Variants in ZFAT observed in about 807,000 individuals in gnomAD.
ZFAT encodes zinc finger and AT-hook domain containing.
Under a neutral mutation model 117.7 loss-of-function variants are expected in ZFAT, and 64 were observed. The observed-to-expected ratio is 0.54, with a 90% CI of 0.44 to 0.67. The LOEUF (loss-of-function observed/expected upper bound fraction) is 0.67, where lower values mean the gene tolerates loss of function less well. Ranked by LOEUF, ZFAT falls within the 30% of genes least tolerant of loss-of-function variation. The probability of loss-of-function intolerance (pLI) is 0.00; values close to 1 mark genes in which losing one functional copy is unlikely to be tolerated. For synonymous variants in ZFAT, 679 were observed against 615.0 expected (o/e 1.10, Z -1.54); for missense variants, 1,433 against 1,584.5 (o/e 0.90, Z 1.62).
intron 7 of ZFAT, chr8:134,600,161 T>C: frequency 4.1e-6 from 2 of 491,518 alleles, no homozygotes; most frequent in South Asian, 2.3e-5. Flanking sequence ...TTACTTCTAC[T>C]CTATAGATAT....
At chr8:134,626,777 T>A (rs761077019) in intron 3 of ZFAT, among the ~76,000 whole-genome samples, 25 of 152,272 alleles carry the variant, frequency 1.6e-4, no homozygotes, top group Non-Finnish European at 2.5e-4. Flanking sequence ...CCACACTTTC[T>A]TCCTTCTCTA....
At chr8:134,592,981 C>T (rs1176392960) in intron 7 of ZFAT, among the ~76,000 whole-genome samples, 1 of 152,222 alleles carries the variant, frequency 6.6e-6, no homozygotes, top group Non-Finnish European at 1.5e-5. Flanking sequence ...CCTGAGTTTT[C>T]TGGCCAGGCA....
chr8:134,593,617 C>T (rs1320789750), intron 7 of ZFAT, among the ~76,000 whole-genome samples: 1 of 152,240 alleles, frequency 6.6e-6, no homozygotes, highest in East Asian at 1.9e-4. Context: ...CACGAAGCTG[C>T]AGCATGGCCT....
chr8:134,510,392 T>C (rs1437540871), intron 14 of ZFAT, among the ~76,000 whole-genome samples: 2 of 152,122 alleles, frequency 1.3e-5, no homozygotes, highest in African/African-American at 2.4e-5. Flanking sequence ...ACTAATTTAC[T>C]AAAAGAGAAA....
intron 7 of ZFAT, among the ~76,000 whole-genome samples, chr8:134,591,075 G>C (rs1190496525): frequency 6.6e-6 from 1 of 152,104 alleles, no homozygotes; most frequent in Non-Finnish European, 1.5e-5. Flanking sequence ...AAGGCTGCGG[G>C]TCTACCACAC....
the ZFAT span, among the ~76,000 whole-genome samples, chr8:134,826,791 AC>A: frequency 1.3e-5 from 2 of 152,226 alleles, no homozygotes; most frequent in African/African-American, 4.8e-5. Context: ...ATTTAGAGTA[AC>A]CGATTAAACT....
the ZFAT span, among the ~76,000 whole-genome samples, chr8:134,743,318 G>A: frequency 2.0e-5 from 3 of 151,978 alleles, no homozygotes; most frequent in African/African-American, 4.8e-5. Context: ...GTGAAACCCC[G>A]TCTCTACTAA....
rs1818026912 is a variant in ZFAT at position 134,491,121 on chromosome 8, A to C, written c.3493-12400T>G. Among the ~76,000 whole-genome samples, 5 of 152,222 alleles carry C rather than the reference A, an allele frequency of 3.3e-5. 1 individual carries two copies. The highest frequency in any genetic ancestry group is 2.6e-4 in the Admixed American group (4 of 15,288). Reference sequence around the variant, plus strand: ...AAGGATAAAAATAAACAATAACAACAACCTTATTTATGATGATCTGAACCT... The same window carrying C: ...AAGGATAAAAATAAACAATAACAACCACCTTATTTATGATGATCTGAACCT... On this transcript the variant is annotated intron_variant, in intron 15 of 15. Coordinates refer to ENST00000377838, the MANE Select transcript of ZFAT (RefSeq NM_020863.4).
chr8:134,715,640 G>A (rs895634990), upstream of ZFAT, among the ~76,000 whole-genome samples: 23 of 152,286 alleles, frequency 1.5e-4, no homozygotes, highest in African/African-American at 4.8e-4. Flanking sequence ...TAAATCACTC[G>A]AAAGTATATA....
At chr8:134,756,657 A>G in the ZFAT span, among the ~76,000 whole-genome samples, 3 of 152,206 alleles carry the variant, frequency 2.0e-5, no homozygotes, top group Admixed American at 2.0e-4. Flanking sequence ...GGTCAGTGGC[A>G]GGGGCTGCCC....
At chr8:134,671,977 C>G (rs1422327644) in intron 1 of ZFAT, among the ~76,000 whole-genome samples, 2 of 152,112 alleles carry the variant, frequency 1.3e-5, no homozygotes, top group Non-Finnish European at 2.9e-5. Flanking sequence ...AACAGAGAGC[C>G]AAATCATGAG....
At chr8:134,479,932 T>A (rs1817174393) in intron 15 of ZFAT, among the ~76,000 whole-genome samples, 1 of 150,024 alleles carries the variant, frequency 6.7e-6, no homozygotes, top group Non-Finnish European at 1.5e-5. Flanking sequence ...GACCTTTTAA[T>A]CCCTTCATTC....
At chr8:134,723,902 G>A in the ZFAT span, 1 of 152,218 alleles carries the variant, frequency 6.6e-6, no homozygotes, top group Non-Finnish European at 1.5e-5. Context: ...AGTGTCCATG[G>A]AAATCTCATA....
At chr8:134,797,916 T>C in the ZFAT span, 2 of 151,976 alleles carry the variant, frequency 1.3e-5, no homozygotes, top group South Asian at 2.1e-4. Context: ...TATGAAGTCA[T>C]TATCAATGAA....
chr8:134,637,943 G>C (rs1161881990), intron 2 of ZFAT, among the ~76,000 whole-genome samples: 1 of 152,202 alleles, frequency 6.6e-6, no homozygotes, highest in Non-Finnish European at 1.5e-5. Context: ...AAGACCATCA[G>C]TTTATCAGCA....
rs1305910705 is a variant in ZFAT at position 134,602,146 on chromosome 8, G to C, written c.1573C>G (p.Leu525Val). The part of the protein sequence containing the change: ...QLQLVEEEFA[L>V]QGVNALKEEA... Reference sequence around the variant, plus strand: ...TCCTTGAGTGCATTCACGCCCTGGAGGGCAAACTCCTCTTCCACCAGCTGT... The same window carrying C: ...TCCTTGAGTGCATTCACGCCCTGGACGGCAAACTCCTCTTCCACCAGCTGT... Residue 525 changes from leucine (L) to valine (V), a missense_variant, in exon 6 of 16, where the codon CTC becomes GTC. Coordinates refer to ENST00000377838, the MANE Select transcript of ZFAT (RefSeq NM_020863.4). The C allele has an allele frequency of 2.5e-6, 4 of 1,613,170 alleles. No homozygotes were observed. In the East Asian group the frequency reaches 8.9e-5, roughly 36 times the overall value.
chr8:134,813,801 T>TACACACAC, the ZFAT span, among the ~76,000 whole-genome samples: 386 of 147,128 alleles, frequency 2.6e-3, 1 homozygote, highest in African/African-American at 5.4e-3. Context: ...TTTGATTTTA[T>TACACACAC]ACACACACAC....
intron 11 of ZFAT, among the ~76,000 whole-genome samples, chr8:134,548,100 G>T (rs1822835568): frequency 6.6e-6 from 1 of 152,142 alleles, no homozygotes; most frequent in Non-Finnish European, 1.5e-5. Flanking sequence ...CTGGAAGTTG[G>T]CCATGATAAA....
At chr8:134,703,356 C>A (rs1834064698) in intron 1 of ZFAT, among the ~76,000 whole-genome samples, 2 of 152,258 alleles carry the variant, frequency 1.3e-5, no homozygotes, top group Admixed American at 1.3e-4. Context: ...GTCTGCCTTA[C>A]AGACTACGAG....
Sources: allele counts gnomAD v4.1 joint callset (sites outside exome capture counted in the v4.1 genomes callset), GRCh38; gene constraint gnomAD v4.1.1; transcripts MANE v1.5; gene names NCBI Gene and HGNC (gene_info 2026-07-23, HGNC 2026-07-21).